Variants in USP45 observed in about 807,000 individuals in gnomAD.
The protein encoded by USP45 is ubiquitin specific peptidase 45, also known as ubiquitin carboxyl-terminal hydrolase 45.
A neutral mutation model predicts 95.8 loss-of-function variants in USP45; 89 were observed. The observed-to-expected ratio is 0.93, with a 90% CI of 0.78 to 1.11. The LOEUF (loss-of-function observed/expected upper bound fraction) is 1.11. USP45 is among the 50% of genes least tolerant of loss of function. The pLI is 0.00. For synonymous variants in USP45, 281 were observed against 316.2 expected, an observed-to-expected ratio of 0.89 and a Z score of 1.18; for missense variants, 898 against 942.5, an observed-to-expected ratio of 0.95 and a Z score of 0.62.
At chr6:99,464,914 A>C in intron 12 of USP45, 166 bp downstream of exon 12, 2 of 967,874 alleles carry the variant, frequency 2.1e-6, no homozygotes, top group Non-Finnish European at 3.0e-6. Context: ...ATCATACTTT[A>C]TGCATACTTA....
intron 9 of USP45, among the ~76,000 whole-genome samples, chr6:99,470,322 T>C (rs940821935): frequency 3.3e-5 from 5 of 152,228 alleles, no homozygotes; most frequent in Non-Finnish European, 5.9e-5. Flanking sequence ...AGAATTGTTC[T>C]GCTGTGTATG....
intron 8 of USP45, 108 bp from the exon 9 acceptor site, chr6:99,476,338 G>T: frequency 9.3e-7 from 1 of 1,077,464 alleles, no homozygotes. Flanking sequence ...GCTGGGTGCG[G>T]CAGCCTACGC....
chr6:99,436,547 C>A (rs1214465995), intron 17 of USP45, among the ~76,000 whole-genome samples: 1 of 151,940 alleles, frequency 6.6e-6, no homozygotes, highest in Non-Finnish European at 1.5e-5. Context: ...CAAAGTGAGA[C>A]CTCATTTCAA....
chr6:99,446,192 C>A lies in USP45; in HGVS notation c.1580G>T (p.Gly527Val), dbSNP rs771219515. The change falls in exon 14 of 18, where the codon GGT becomes GTT. Residue 527 changes from glycine (G) to valine (V), a missense_variant. Coordinates refer to ENST00000500704, the MANE Select transcript of USP45 (RefSeq NM_001346022.3). ...TGLFRSSSGS[G>V]VQPDGPLYPL... ...GTAAAGGGGTCCATCTGGCTGCACACCGGATCCACTACTGGATCTGAACAG... is the reference window on the plus strand; with the variant it reads ...GTAAAGGGGTCCATCTGGCTGCACAACGGATCCACTACTGGATCTGAACAG... 1.2e-6 allele frequency: 2 copies of A among 1,614,050 alleles called. No individual in the cohort carries two copies. Among genetic ancestry groups the A allele is most frequent in the African/African-American group, 1.3e-5 (1 of 74,930 alleles).
Position 99,487,311 on chromosome 6 carries a change from G to T in USP45, c.714+889C>A, listed in dbSNP as rs111456507. The stretch of plus-strand genomic sequence containing the variant: ...TTGTTTTAGACAAAATCATGAAGTG[G>T]ACTTGCTTTGTCTTATTTCATCGTA... On this transcript the variant is annotated intron_variant, in intron 7 of 17. Coordinates refer to ENST00000500704, the MANE Select transcript of USP45 (RefSeq NM_001346022.3). Among the ~76,000 whole-genome samples the T allele has an allele frequency of 1.8e-3, 271 of 152,234 alleles. 1 individual carries two copies. Among genetic ancestry groups the T allele is most frequent in the East Asian group, 5.6e-3 (29 of 5,178 alleles).
chr6:99,458,490 A>G (rs1190843172), intron 13 of USP45, among the ~76,000 whole-genome samples: 1 of 152,232 alleles, frequency 6.6e-6, no homozygotes, highest in Non-Finnish European at 1.5e-5. Context: ...ATGGTGAGAC[A>G]TAAGTTCAAG....
intron 5 of USP45, among the ~76,000 whole-genome samples, chr6:99,489,848 G>A (rs1328465495): frequency 6.6e-6 from 1 of 152,104 alleles, no homozygotes; most frequent in Non-Finnish European, 1.5e-5. Flanking sequence ...CTACTCAGGA[G>A]GTTGAGGCAT....
intron 13 of USP45, among the ~76,000 whole-genome samples, chr6:99,459,667 A>C (rs1479614699): frequency 6.6e-6 from 1 of 152,154 alleles, no homozygotes; most frequent in Non-Finnish European, 1.5e-5. Context: ...TTTTAATAAT[A>C]GCATTCTGAC....
At chr6:99,447,831 C>T (rs1213930646) in intron 13 of USP45, among the ~76,000 whole-genome samples, 2 of 152,196 alleles carry the variant, frequency 1.3e-5, no homozygotes, top group African/African-American at 4.8e-5. Context: ...CGGCCGGGTA[C>T]CCATCTGAGA....
rs189291443 is a variant in USP45 at position 99,500,102 on chromosome 6, C to A, written c.478+3663G>T. Among the ~76,000 whole-genome samples the A allele has an allele frequency of 1.7e-4, 26 of 152,232 alleles. No homozygotes were observed. The East Asian group carries it at 3.3e-3, about 19-fold the overall frequency. ...GACAGAGTCAAATCTGAACACCAGACCCCCTGACTCAAAGCCATCTACTGT... is the reference window on the plus strand; with the variant it reads ...GACAGAGTCAAATCTGAACACCAGAACCCCTGACTCAAAGCCATCTACTGT... On this transcript the variant is annotated intron_variant, in intron 5 of 17. Coordinates refer to ENST00000500704, the MANE Select transcript of USP45 (RefSeq NM_001346022.3).
upstream of USP45, among the ~76,000 whole-genome samples, chr6:99,516,850 T>C (rs574037566): frequency 6.7e-4 from 102 of 152,312 alleles, 1 homozygote; most frequent in African/African-American, 2.3e-3. Flanking sequence ...GTAAAAGAGA[T>C]TTTAAAAAAT....
intron 5 of USP45, among the ~76,000 whole-genome samples, chr6:99,502,303 G>A (rs1797557695): frequency 6.6e-6 from 1 of 152,102 alleles, no homozygotes; most frequent in African/African-American, 2.4e-5. Flanking sequence ...TCTTCCTTTG[G>A]CTGTTTTGTA....
chr6:99,437,139 C>G, intron 17 of USP45, 107 bp downstream of exon 17: 1 of 1,158,932 alleles, frequency 8.6e-7, no homozygotes, highest in South Asian at 1.6e-5. Flanking sequence ...ATAAAGCAAG[C>G]AAGCAAATCC....
rs1797912991 is a variant in USP45 at position 99,503,772 on chromosome 6, T to C, written c.471A>G (p.Thr157=). The change falls in exon 5 of 18, where the codon ACA becomes ACG. Residue 157 remains threonine (T), a synonymous_variant. Transcript: ENST00000500704. ...VDFLQKHASK[T]QTSAFSRIMK... ...AGTCATCGCTTAACTTACTTGTTTG[T>C]GTTTTAGAAGCATGTTTCTGGAGAA... The C allele has an allele frequency of 6.3e-7, 1 of 1,589,636 alleles. No individual in the cohort carries two copies. The highest frequency in any genetic ancestry group is 1.3e-5 in the African/African-American group (1 of 74,088).
chr6:99,482,602 A>G (rs1357836768), intron 8 of USP45, 151 bp downstream of exon 8: 5 of 636,278 alleles, frequency 7.9e-6, no homozygotes, highest in Non-Finnish European at 1.2e-5. Context: ...TATAATTTTC[A>G]TAAAGCATAG....
intron 13 of USP45, among the ~76,000 whole-genome samples, chr6:99,447,266 T>G (rs1583001103): frequency 1.3e-5 from 2 of 152,294 alleles, no homozygotes; most frequent in Middle Eastern, 6.8e-3. Flanking sequence ...GCTGATGGCT[T>G]GAAGTACATT....
chr6:99,490,482 C>A (rs1163992812), intron 5 of USP45, among the ~76,000 whole-genome samples: 1 of 151,292 alleles, frequency 6.6e-6, no homozygotes, highest in Admixed American at 6.6e-5. Flanking sequence ...AGCCAGCCAG[C>A]CCTTAGATTT....
chr6:99,476,645 A>G (rs1790945271), intron 8 of USP45, among the ~76,000 whole-genome samples: 1 of 152,238 alleles, frequency 6.6e-6, no homozygotes, highest in South Asian at 2.1e-4. Context: ...TAATCCTCCA[A>G]CAACTTTGTT....
intron 13 of USP45, among the ~76,000 whole-genome samples, chr6:99,463,516 A>G (rs1205724790): frequency 6.6e-6 from 1 of 152,152 alleles, no homozygotes; most frequent in Non-Finnish European, 1.5e-5. Context: ...AAAGGAGGAA[A>G]AAGAGGGAGA....
Sources: allele counts gnomAD v4.1 joint callset (sites outside exome capture counted in the v4.1 genomes callset), GRCh38; gene constraint gnomAD v4.1.1; transcripts MANE v1.5; gene names NCBI Gene and HGNC (gene_info 2026-07-23, HGNC 2026-07-21).